Variants in SLC22A3 observed in about 807,000 individuals in gnomAD.
SLC22A3 encodes the protein EMT organic cation transporter 3.
In SLC22A3, 51 loss-of-function variants were observed where a neutral mutation model predicts 59.1. The ratio of observed to expected loss-of-function variants is 0.86; its 90% CI spans 0.69 to 1.09. The LOEUF is 1.09. SLC22A3 is among the 50% of genes least tolerant of loss of function. SLC22A3 has a pLI of 0.00. For missense variants in SLC22A3, 711 were observed against 726.3 expected (o/e 0.98, Z 0.24); for synonymous variants, 325 against 292.0 (o/e 1.11, Z -1.15).
intron 5 of SLC22A3, among the ~76,000 whole-genome samples, chr6:160,414,490 C>A (rs539209934): frequency 1.3e-5 from 2 of 152,262 alleles, no homozygotes; most frequent in South Asian, 2.1e-4. Context: ...TGTTTCAATC[C>A]TTTGCAATTG....
At position 160,410,819 on chromosome 6, in the gene SLC22A3, GA is replaced by G. The variant is rs1562490148; in HGVS notation, c.951del (p.Lys317AsnfsTer23). The G allele has an allele frequency of 6.2e-7, 1 of 1,608,980 alleles. No individual in the cohort carries two copies. The highest frequency in any genetic ancestry group is 8.5e-7 in the Non-Finnish European group (1 of 1,175,730). On this transcript the variant is annotated frameshift_variant, in exon 5 of 11. Coordinates refer to ENST00000275300, the MANE Select transcript of SLC22A3 (RefSeq NM_021977.4). LOFTEE classifies it high-confidence loss of function. ...TGAGACGCATTGCTAAGTGCAATGG[GA>G]AATACCTCTCATCAAATTACTCAGA... ...ILRRIAKCNG[K>X]YLSSNYSEIT...
intron 1 of SLC22A3, among the ~76,000 whole-genome samples, chr6:160,386,355 G>C (rs1786014527): frequency 6.6e-6 from 1 of 152,258 alleles, no homozygotes; most frequent in African/African-American, 2.4e-5. Flanking sequence ...TGGCACTGCA[G>C]GGTATTTGTG....
At chr6:160,387,947 C>A (rs1485912160) in intron 1 of SLC22A3, among the ~76,000 whole-genome samples, 2 of 152,260 alleles carry the variant, frequency 1.3e-5, no homozygotes, top group Admixed American at 6.5e-5. Flanking sequence ...CTCCAACCAG[C>A]AAGAAAATGG....
At chr6:160,443,952 ATTTAC>A (rs1788649079) in intron 9 of SLC22A3, among the ~76,000 whole-genome samples, 1 of 152,142 alleles carries the variant, frequency 6.6e-6, no homozygotes, top group African/African-American at 2.4e-5. Flanking sequence ...AATGGTTTTA[ATTTAC>A]TTTATATTAA....
In SLC22A3 at chr6:160,397,964, T is replaced by C; in HGVS notation, c.430-15T>C. On this transcript the variant is annotated splice_polypyrimidine_tract_variant and intron_variant, in intron 1 of 10. Transcript: ENST00000275300. ...TTCTGGCATGTCTCCATGTGTGTTT[T>C]CTTTGTTTTCTCAGTTTGACCTTGT... 1 of 1,600,110 alleles carries C rather than the reference T, an allele frequency of 6.2e-7. No individual in the cohort carries two copies. The highest frequency in any genetic ancestry group is 2.2e-5 in the East Asian group (1 of 44,724).
At chr6:160,432,428 CTTAA>C (rs1788183922) in intron 5 of SLC22A3, among the ~76,000 whole-genome samples, 1 of 146,312 alleles carries the variant, frequency 6.8e-6, no homozygotes, top group Admixed American at 6.9e-5. Flanking sequence ...ATAATGTAGG[CTTAA>C]TTTTTTTTTT....
At chr6:160,372,860 T>C (rs1048851397) in intron 1 of SLC22A3, among the ~76,000 whole-genome samples, 1 of 152,232 alleles carries the variant, frequency 6.6e-6, no homozygotes, top group African/African-American at 2.4e-5. Context: ...GTCATTTATG[T>C]TCTTCTCTAA....
chr6:160,407,451 C>G (rs1787063409), intron 3 of SLC22A3, among the ~76,000 whole-genome samples: 1 of 152,126 alleles, frequency 6.6e-6, no homozygotes, highest in South Asian at 2.1e-4. Context: ...TTATGTACTT[C>G]TACACTGTTA....
At chr6:160,368,968 A>C (rs1176274821) in intron 1 of SLC22A3, among the ~76,000 whole-genome samples, 2 of 152,122 alleles carry the variant, frequency 1.3e-5, no homozygotes, top group African/African-American at 4.8e-5. Context: ...CTTCTGATTC[A>C]CCCATACTTC....
intron 9 of SLC22A3, 107 bp downstream of exon 9, chr6:160,443,849 T>C: frequency 2.0e-6 from 1 of 504,866 alleles, no homozygotes; most frequent in Admixed American, 3.5e-5. Context: ...GTCATTTATC[T>C]TATTATAATA....
chr6:160,382,298 A>G (rs1370583630), intron 1 of SLC22A3, among the ~76,000 whole-genome samples: 1 of 152,220 alleles, frequency 6.6e-6, no homozygotes, highest in East Asian at 1.9e-4. Context: ...AAGTTTCCCT[A>G]GAAATGGGAG....
At chr6:160,372,833 T>C (rs1037440249) in intron 1 of SLC22A3, among the ~76,000 whole-genome samples, 3 of 152,170 alleles carry the variant, frequency 2.0e-5, no homozygotes, top group Non-Finnish European at 2.9e-5. Flanking sequence ...TCATGCTGTG[T>C]TTTTTAGCTC....
chr6:160,410,757 A>T lies in SLC22A3; in HGVS notation c.886A>T (p.Ile296Phe). The change falls in exon 5 of 11, where the codon ATT becomes TTT. Residue 296 changes from isoleucine to phenylalanine, a missense_variant. By Grantham distance (21) the Ile-to-Phe change is conservative. Coordinates refer to ENST00000275300, the MANE Select transcript of SLC22A3 (RefSeq NM_021977.4). ...WVVPESPRWL[I>F]TRKKGDKALQ... ...GGTCCCTGAGTCTCCCCGTTGGCTG[A>T]TTACTCGGAAGAAAGGAGATAAAGC... 1 of 1,613,260 alleles carries T rather than the reference A, an allele frequency of 6.2e-7. No individual in the cohort carries two copies. Among genetic ancestry groups the T allele is most frequent in the Non-Finnish European group, 8.5e-7 (1 of 1,179,448 alleles).
chr6:160,404,102 G>T (rs992289602), intron 2 of SLC22A3, among the ~76,000 whole-genome samples: 1 of 151,698 alleles, frequency 6.6e-6, no homozygotes, highest in African/African-American at 2.4e-5. Context: ...GAAAATAACA[G>T]GTATACTGAT....
rs1787218023 is a variant in SLC22A3, at chr6:160,410,832, T to C, written c.961T>C (p.Ser321Pro). 6.3e-7 allele frequency: 1 copy of C among 1,594,036 alleles called. No homozygotes were observed. The highest frequency in any genetic ancestry group is 1.7e-5 in the Admixed American group (1 of 59,874). Reference protein sequence around the residue: ...IAKCNGKYLSSNYSEITVTDE... With the variant: ...IAKCNGKYLSPNYSEITVTDE... ...TAAGTGCAATGGGAAATACCTCTCATCAAATTACTCAGAGGTAATTTCTTT... is the reference window on the plus strand; with the variant it reads ...TAAGTGCAATGGGAAATACCTCTCACCAAATTACTCAGAGGTAATTTCTTT... Residue 321 changes from serine (S) to proline (P), a missense_variant, in exon 5 of 11, where the codon TCA (serine) becomes CCA (proline). By Grantham distance (74) the Ser-to-Pro change is moderately conservative. Coordinates refer to ENST00000275300, the MANE Select transcript of SLC22A3 (RefSeq NM_021977.4).
At chr6:160,426,485 A>C in intron 5 of SLC22A3, 1 of 381,810 alleles carries the variant, frequency 2.6e-6, no homozygotes. Context: ...GCAGGTTCCC[A>C]CTCTAATGTG....
At chr6:160,366,337 A>C (rs188996307) in intron 1 of SLC22A3, among the ~76,000 whole-genome samples, 1 of 152,282 alleles carries the variant, frequency 6.6e-6, no homozygotes, top group African/African-American at 2.4e-5. Flanking sequence ...AAATGGGAAA[A>C]ATTGGCCAAA....
At chr6:160,378,990 T>C (rs1785698392) in intron 1 of SLC22A3, among the ~76,000 whole-genome samples, 2 of 152,130 alleles carry the variant, frequency 1.3e-5, no homozygotes, top group East Asian at 3.9e-4. Context: ...CATTATTAAG[T>C]CGAAAATCGC....
At chr6:160,427,995 GC>G (rs1449755503) in intron 5 of SLC22A3, among the ~76,000 whole-genome samples, 1 of 152,162 alleles carries the variant, frequency 6.6e-6, no homozygotes, top group Non-Finnish European at 1.5e-5. Context: ...TAATTTCTGA[GC>G]CTTTAGAGTT....
Sources: gnomAD v4.1 joint callset for allele counts (sites outside exome capture counted in the v4.1 genomes callset) on GRCh38, gnomAD v4.1.1 for gene constraint, MANE v1.5 for transcripts, NCBI Gene and HGNC (gene_info 2026-07-23, HGNC 2026-07-21) for gene names.